NALCN: variants seen among roughly 807,000 people sequenced by gnomAD.
NALCN encodes the protein sodium leak channel NALCN.
In NALCN, 111 loss-of-function variants were observed where a neutral mutation model predicts 225.3. The observed-to-expected ratio is 0.49, with a 90% CI of 0.42 to 0.58. The LOEUF (loss-of-function observed/expected upper bound fraction) is 0.58. Among genes scored for constraint, NALCN ranks in the 20% least tolerant of loss-of-function variants. The pLI, the probability that NALCN is intolerant of heterozygous loss-of-function variation, is 0.00. For missense variants in NALCN, 1,378 were observed against 2,202.4 expected (o/e 0.63, Z 7.49); for synonymous variants, 764 against 769.0 (o/e 0.99, Z 0.11).
intron 17 of NALCN, among the ~76,000 whole-genome samples, chr13:101,125,348 T>C (rs531857029): frequency 1.8e-4 from 28 of 152,212 alleles, no homozygotes; most frequent in East Asian, 1.2e-3. Flanking sequence ...CACTATGTTC[T>C]CATAATAATA....
chr13:101,133,746 T>C (rs2036626946), intron 17 of NALCN, among the ~76,000 whole-genome samples: 1 of 152,194 alleles, frequency 6.6e-6, no homozygotes, highest in African/African-American at 2.4e-5. Context: ...AATGTGAGCA[T>C]CAGCAAGATT....
chr13:101,269,913 T>C lies in NALCN; in HGVS notation c.1135-11339A>G, dbSNP rs116425742. ...CTTTTCAACGGTGAAGTGTTGACCT[T>C]GCTTACTTGGCTGGACATAGGTAAT... is the stretch of plus-strand genomic sequence containing the variant. On this transcript the variant is annotated intron_variant, in intron 10 of 43. Transcript: ENST00000251127. Among the ~76,000 whole-genome samples, 1,180 of 152,322 alleles carry C rather than the reference T, an allele frequency of 7.7e-3. 18 individuals carry two copies. Among genetic ancestry groups the C allele is most frequent in the African/African-American group, 0.027 (1,125 of 41,564 alleles).
Position 101,082,218 on chromosome 13 carries a change from T to C in NALCN, c.3766-572A>G, listed in dbSNP as rs73554878. 9.3e-3 allele frequency among the ~76,000 whole-genome samples: 1,417 copies of C among 152,304 alleles called. 27 individuals carry two copies. The highest frequency in any genetic ancestry group is 0.032 in the African/African-American group (1,311 of 41,564). ...AGAATAATTGTAAACATGTAGTAAC[T>C]AAAAATAAGAGTTTATTACCAAGAT... On this transcript the variant is annotated intron_variant, in intron 33 of 43. Coordinates refer to ENST00000251127, the MANE Select transcript of NALCN (RefSeq NM_052867.4).
intron 17 of NALCN, among the ~76,000 whole-genome samples, chr13:101,134,958 G>A (rs566761386): frequency 2.0e-5 from 3 of 152,160 alleles, no homozygotes; most frequent in Non-Finnish European, 4.4e-5. Context: ...ACTTTGGGAG[G>A]CCGAGGCGGG....
intron 10 of NALCN, among the ~76,000 whole-genome samples, chr13:101,282,509 G>T (rs1322361621): frequency 6.6e-6 from 1 of 152,080 alleles, no homozygotes; most frequent in Non-Finnish European, 1.5e-5. Flanking sequence ...TGGGGACAGG[G>T]GGTAGAAATG....
intron 10 of NALCN, among the ~76,000 whole-genome samples, chr13:101,266,887 G>C (rs1447129636): frequency 6.6e-6 from 1 of 152,156 alleles, no homozygotes; most frequent in Non-Finnish European, 1.5e-5. Context: ...CAATTATTCT[G>C]TCCAATACAA....
chr13:101,082,375 A>T (rs1202077305), intron 33 of NALCN, among the ~76,000 whole-genome samples: 1 of 152,196 alleles, frequency 6.6e-6, no homozygotes. Flanking sequence ...ATTTTGGGAA[A>T]CATCAACCAG....
Position 101,229,413 on chromosome 13 carries a change from T to C in NALCN, c.1606A>G (p.Arg536Gly). Reference protein sequence around the residue: ...QMFCFVEELDRFTTFPRAFMS... With the variant: ...QMFCFVEELDGFTTFPRAFMS... ...CTTACCCTCGGAAACGTAGTAAATC[T>C]GTCCAGTTCTTCGACAAAGCAGAAC... The change falls in exon 13 of 44, where the codon AGA becomes GGA. Residue 536 changes from arginine to glycine, a missense_variant. Arg to Gly is a moderately radical substitution (Grantham distance 125, BLOSUM62 -2). Coordinates refer to ENST00000251127, the MANE Select transcript of NALCN (RefSeq NM_052867.4). 1 of 1,591,102 alleles carries C rather than the reference T, an allele frequency of 6.3e-7. No individual in the cohort carries two copies. Among genetic ancestry groups the C allele is most frequent in the South Asian group, 1.2e-5 (1 of 86,738 alleles).
chr13:101,131,525 C>A (rs1170914612), intron 17 of NALCN, among the ~76,000 whole-genome samples: 1 of 152,152 alleles, frequency 6.6e-6, no homozygotes, highest in Admixed American at 6.5e-5. Context: ...CCTCCTCCCC[C>A]CACAAATTTT....
At chr13:101,195,266 T>G (rs1299613399) in intron 13 of NALCN, among the ~76,000 whole-genome samples, 1 of 152,224 alleles carries the variant, frequency 6.6e-6, no homozygotes, top group Non-Finnish European at 1.5e-5. Flanking sequence ...GACCATTTTA[T>G]TTTCTTTATT....
intron 9 of NALCN, among the ~76,000 whole-genome samples, chr13:101,285,845 C>T (rs1448499715): frequency 6.6e-6 from 1 of 152,112 alleles, no homozygotes; most frequent in African/African-American, 2.4e-5. Context: ...AAAGACAAAA[C>T]CAGCATTGCC....
intron 4 of NALCN, among the ~76,000 whole-genome samples, chr13:101,377,469 T>C (rs1258280150): frequency 6.6e-6 from 1 of 152,140 alleles, no homozygotes; most frequent in Non-Finnish European, 1.5e-5. Flanking sequence ...ACAGGCAAAA[T>C]AATAATTTGA....
chr13:101,150,750 G>A (rs746852467), intron 15 of NALCN, among the ~76,000 whole-genome samples: 2 of 133,040 alleles, frequency 1.5e-5, no homozygotes, highest in Non-Finnish European at 3.2e-5. Flanking sequence ...TATATTATAA[G>A]AAGTGGTTAT....
intron 14 of NALCN, among the ~76,000 whole-genome samples, chr13:101,187,446 T>G (rs2039496658): frequency 1.3e-5 from 2 of 152,148 alleles, no homozygotes; most frequent in Non-Finnish European, 2.9e-5. Context: ...TCAAAAGACA[T>G]CACAGACAAA....
chr13:101,331,909 G>C (rs2045187794), intron 7 of NALCN, among the ~76,000 whole-genome samples: 1 of 152,172 alleles, frequency 6.6e-6, no homozygotes, highest in Non-Finnish European at 1.5e-5. Flanking sequence ...GTTTCCACCT[G>C]TGTCTGGGGA....
At chr13:101,084,391 C>A (rs1021852814) in intron 30 of NALCN, among the ~76,000 whole-genome samples, 2 of 152,106 alleles carry the variant, frequency 1.3e-5, no homozygotes, top group Non-Finnish European at 2.9e-5. Context: ...TTGCACTGCA[C>A]TGCATTATAT....
intron 43 of NALCN, 27 bp from the exon 44 acceptor site, chr13:101,055,515 C>CA: frequency 1.3e-6 from 2 of 1,597,058 alleles, no homozygotes; most frequent in Non-Finnish European, 1.7e-6. Context: ...TCCTATGAGC[C>CA]ACTTGGTATT....
chr13:101,414,136 T>C (rs2047866394), intron 1 of NALCN, among the ~76,000 whole-genome samples: 3 of 151,918 alleles, frequency 2.0e-5, no homozygotes, highest in African/African-American at 4.8e-5. Flanking sequence ...AGGCCTGCCT[T>C]GGCCTCCCAA....
At chr13:101,300,366 CT>C (rs2139090729) in intron 7 of NALCN, among the ~76,000 whole-genome samples, 1 of 129,670 alleles carries the variant, frequency 7.7e-6, no homozygotes, top group Admixed American at 7.8e-5. Context: ...TTCTTTCTTT[CT>C]TTCCTTCCTT....
Sources: allele counts gnomAD v4.1 joint callset (sites outside exome capture counted in the v4.1 genomes callset), GRCh38; gene constraint gnomAD v4.1.1; transcripts MANE v1.5; gene names NCBI Gene and HGNC (gene_info 2026-07-23, HGNC 2026-07-21).